Variants in SEPTIN10 observed in about 807,000 individuals in gnomAD.
SEPTIN10 encodes the protein septin-10.
SEPTIN10 carries 66 observed loss-of-function variants against 54.8 expected under a neutral mutation model. The ratio of observed to expected loss-of-function variants is 1.21; its 90% CI spans 0.99 to 1.48. SEPTIN10 has a LOEUF of 1.48. SEPTIN10 is among the 40% of genes most tolerant of loss of function. SEPTIN10 has a pLI of 0.00. For synonymous variants in SEPTIN10, 161 were observed against 181.0 expected, an observed-to-expected ratio of 0.89 and a Z score of 0.89; for missense variants, 620 against 545.6, an observed-to-expected ratio of 1.14 and a Z score of -1.36.
At chr2:109,569,974 A>G (rs374919104) in intron 5 of SEPTIN10, among the ~76,000 whole-genome samples, 140 of 152,158 alleles carry the variant, frequency 9.2e-4, no homozygotes, top group African/African-American at 3.3e-3. Flanking sequence ...TCTCATCTTT[A>G]TGTAGTGCCC....
Position 109,544,223 on chromosome 2 carries a change from TAAC to T in SEPTIN10, c.*83_*85del, listed in dbSNP as rs780725177. The T allele has an allele frequency of 6.8e-6, 11 of 1,611,054 alleles. No individual in the cohort carries two copies. The highest frequency in any genetic ancestry group is 7.6e-6 in the Non-Finnish European group (9 of 1,178,984). ...CCAAATATAGAAGTGATAAAACAAA[TAAC>T]AGCAAAATCAAAGCACACTTCTAGT... On this transcript the variant is annotated 3_prime_UTR_variant, in exon 11 of 11. Transcript: ENST00000397712.
At chr2:109,597,161 G>A (rs1695490088) in intron 1 of SEPTIN10, among the ~76,000 whole-genome samples, 4 of 152,120 alleles carry the variant, frequency 2.6e-5, no homozygotes, top group Admixed American at 2.0e-4. Context: ...GGCTGGTCTC[G>A]AACTCCTGAG....
At chr2:109,570,610 C>T (rs546809227) in intron 5 of SEPTIN10, among the ~76,000 whole-genome samples, 43 of 133,708 alleles carry the variant, frequency 3.2e-4, no homozygotes, top group African/African-American at 1.1e-3. Context: ...CTGCAACCTC[C>T]GCCTCCCAAG....
chr2:109,599,207 C>T (rs901854635), intron 1 of SEPTIN10, among the ~76,000 whole-genome samples: 1 of 152,070 alleles, frequency 6.6e-6, no homozygotes, highest in African/African-American at 2.4e-5. Flanking sequence ...CCTGTAACCC[C>T]AGCACTCTGG....
intron 5 of SEPTIN10, among the ~76,000 whole-genome samples, chr2:109,569,558 G>A (rs779140896): frequency 2.6e-5 from 4 of 151,860 alleles, no homozygotes; most frequent in Non-Finnish European, 4.4e-5. Flanking sequence ...TGCTCCCAAG[G>A]AGAGAAATTT....
At chr2:109,562,215 A>AAAT (rs140183234) in intron 8 of SEPTIN10, among the ~76,000 whole-genome samples, 6 of 151,360 alleles carry the variant, frequency 4.0e-5, no homozygotes, top group Admixed American at 1.3e-4. Context: ...TCTATCTCAA[A>AAAT]AATAATAATA....
chr2:109,565,886 C>T, intron 6 of SEPTIN10, 27 bp from the exon 7 acceptor site: 1 of 1,554,998 alleles, frequency 6.4e-7, no homozygotes, highest in Non-Finnish European at 8.9e-7. Context: ...AGCACATCTT[C>T]TCATACCACT....
At chr2:109,578,103 A>C (rs895717800) in intron 4 of SEPTIN10, among the ~76,000 whole-genome samples, 5 of 152,142 alleles carry the variant, frequency 3.3e-5, no homozygotes, top group Non-Finnish European at 7.3e-5. Flanking sequence ...ATAAGCATAG[A>C]AATCAGGCAA....
At chr2:109,590,048 ATG>A (rs200827961) in intron 2 of SEPTIN10, among the ~76,000 whole-genome samples, 135 of 144,116 alleles carry the variant, frequency 9.4e-4, no homozygotes, top group African/African-American at 3.5e-3. Flanking sequence ...ACACATATAT[ATG>A]TGTGTGTATA....
intron 8 of SEPTIN10, among the ~76,000 whole-genome samples, chr2:109,562,734 T>C (rs777925366): frequency 3.9e-5 from 6 of 152,024 alleles, no homozygotes; most frequent in Non-Finnish European, 8.8e-5. Context: ...ACCCTGAGAC[T>C]TGGAAGAAAT....
At chr2:109,568,016 T>G in intron 5 of SEPTIN10, 40 bp from the exon 6 acceptor site, 1 of 1,471,892 alleles carries the variant, frequency 6.8e-7, no homozygotes, top group African/African-American at 1.4e-5. Context: ...ACTGAGGATT[T>G]TTTTTTTTAA....
intron 10 of SEPTIN10, chr2:109,545,433 G>GC (rs1383886456): frequency 4.6e-6 from 7 of 1,535,790 alleles, no homozygotes; most frequent in Non-Finnish European, 6.1e-6. Flanking sequence ...ACTCATGGCT[G>GC]CCCCCTTGCA....
intron 8 of SEPTIN10, among the ~76,000 whole-genome samples, chr2:109,561,573 T>G (rs1291712936): frequency 6.6e-6 from 1 of 152,202 alleles, no homozygotes; most frequent in Non-Finnish European, 1.5e-5. Context: ...CAGCCCTAAC[T>G]TCTCCCTAGC....
chr2:109,549,809 T>C (rs1036762540), intron 9 of SEPTIN10, among the ~76,000 whole-genome samples: 1 of 152,096 alleles, frequency 6.6e-6, no homozygotes, highest in African/African-American at 2.4e-5. Context: ...AATAATAAAA[T>C]AGAACAATTA....
rs1680408953 is a variant in SEPTIN10, at chr2:109,543,295, A to G, written c.*1014T>C. 1 of 152,360 alleles carries G rather than the reference A, an allele frequency of 6.6e-6. No individual in the cohort carries two copies. Among genetic ancestry groups the G allele is most frequent in the Admixed American group, 6.5e-5 (1 of 15,282 alleles). 9.4% of individuals were successfully genotyped at this position (152,360 alleles called of 1,614,324 possible). ...CAAGTATGTAATGAAAAGTTTTCCT[A>G]ATGAAAGCTGTGATACACTCATGCT... is the stretch of plus-strand genomic sequence containing the variant. On this transcript the variant is annotated 3_prime_UTR_variant, in exon 11 of 11. Coordinates refer to ENST00000397712, the MANE Select transcript of SEPTIN10 (RefSeq NM_144710.5).
intron 2 of SEPTIN10, among the ~76,000 whole-genome samples, chr2:109,587,455 G>C (rs1042170159): frequency 6.6e-6 from 1 of 151,854 alleles, no homozygotes; most frequent in African/African-American, 2.4e-5. Flanking sequence ...GAAAGTGGGG[G>C]GTAGGAGGGA....
chr2:109,567,833 C>T lies in SEPTIN10; in HGVS notation c.744G>A (p.Lys248=). 6.2e-7 allele frequency: 1 copy of T among 1,605,716 alleles called. No homozygotes were observed. The highest frequency in any genetic ancestry group is 8.5e-7 in the Non-Finnish European group (1 of 1,177,002). Residue 248 remains lysine (K), a synonymous_variant, in exon 6 of 11, where the codon AAG becomes AAA. Coordinates refer to ENST00000397712, the MANE Select transcript of SEPTIN10 (RefSeq NM_144710.5). ...AGCTCACATTCATTGCAGCGTTGAC[C>T]TTAGCAATAGTGTCATCATCCGTTG... ...QFPTDDDTIA[K]VNAAMNGQLP... is the part of the protein sequence containing the mutation.
At chr2:109,548,779 A>AAC (rs1373225295) in intron 9 of SEPTIN10, among the ~76,000 whole-genome samples, 1 of 99,974 alleles carries the variant, frequency 1.0e-5, no homozygotes. Flanking sequence ...CCATCTCAAA[A>AAC]AAAAAAAAAA....
At chr2:109,613,756 CGGGGAGCGCGGGGCT>C (rs955650653) in intron 1 of SEPTIN10, 27 bp downstream of exon 1, 1 of 1,186,988 alleles carries the variant, frequency 8.4e-7, no homozygotes, top group Non-Finnish European at 1.1e-6. Flanking sequence ...CCGCGGGGGC[CGGGGAGCGCGGGGCT>C]GGGGCCCCGG....
Sources: allele counts gnomAD v4.1 joint callset (sites outside exome capture counted in the v4.1 genomes callset), GRCh38; gene constraint gnomAD v4.1.1; transcripts MANE v1.5; gene names NCBI Gene and HGNC (gene_info 2026-07-23, HGNC 2026-07-21).